Variants in ABCC2 observed in about 807,000 individuals in gnomAD.
ABCC2 encodes ATP binding cassette subfamily C member 2, also known as ATP-binding cassette sub-family C member 2.
Under a neutral mutation model 173.4 loss-of-function variants are expected in ABCC2, and 157 were observed. That is an observed-to-expected ratio of 0.91 (90% CI 0.80 to 1.03). ABCC2 has a LOEUF of 1.03. Ranked by LOEUF, ABCC2 falls within the 50% of genes least tolerant of loss-of-function variation. ABCC2 has a pLI of 0.00. For synonymous variants in ABCC2, 657 were observed against 693.5 expected, an observed-to-expected ratio of 0.95 and a Z score of 0.83; for missense variants, 1,822 against 1,852.3, an observed-to-expected ratio of 0.98 and a Z score of 0.30.
intron 7 of ABCC2, 26 bp from the exon 8 acceptor site, chr10:99,799,181 A>G (rs2037969758): frequency 1.2e-6 from 2 of 1,613,548 alleles, no homozygotes; most frequent in Non-Finnish European, 1.7e-6. Flanking sequence ...AACTCTGTGG[A>G]CACTGTTGTT....
chr10:99,822,134 C>CT (rs2038550062), intron 19 of ABCC2, among the ~76,000 whole-genome samples: 1 of 152,192 alleles, frequency 6.6e-6, no homozygotes, highest in African/African-American at 2.4e-5. Flanking sequence ...ATCCATGTGA[C>CT]TGCCCGAATT....
chr10:99,820,404 AC>A (rs1465378425), intron 19 of ABCC2, among the ~76,000 whole-genome samples: 7 of 151,982 alleles, frequency 4.6e-5, no homozygotes, highest in African/African-American at 1.2e-4. Context: ...ACACACACAC[AC>A]ACACAAAACA....
chr10:99,809,692 G>A (rs563295749), intron 13 of ABCC2, among the ~76,000 whole-genome samples: 1 of 152,324 alleles, frequency 6.6e-6, no homozygotes, highest in East Asian at 1.9e-4. Flanking sequence ...CGGCTATCTG[G>A]CCTATGTGGA....
Position 99,851,683 on chromosome 10 carries a change from TTTTA to T in ABCC2, c.*56_*59del, listed in dbSNP as rs2039090342. On this transcript the variant is annotated 3_prime_UTR_variant, in exon 32 of 32. Transcript: ENST00000647814. Reference sequence around the variant, plus strand: ...ACTATAAGAATAATTTCTTATTTAATTTTATTTTTTATAAAATACAGAATACATA... The same window carrying T: ...ACTATAAGAATAATTTCTTATTTAATTTTTTTATAAAATACAGAATACATA... 1 of 1,488,758 alleles carries T rather than the reference TTTTA, an allele frequency of 6.7e-7. No individual in the cohort carries two copies. Among genetic ancestry groups the T allele is most frequent in the Non-Finnish European group, 9.2e-7 (1 of 1,092,624 alleles). The allele number at this position is 1,488,758 out of a possible 1,614,324, so 92.2% of individuals were successfully genotyped here. A position where few individuals can be genotyped will look rare whatever the true frequency, so the allele number is the denominator to read the frequency against.
intron 6 of ABCC2, 123 bp downstream of exon 6, chr10:99,794,591 C>G: frequency 2.1e-6 from 2 of 947,770 alleles, no homozygotes; most frequent in Non-Finnish European, 3.2e-6. Context: ...GTTGCCCAGG[C>G]TGGAGTGCAA....
chr10:99,842,179 G>C, intron 26 of ABCC2, 86 bp downstream of exon 26: 1 of 1,586,426 alleles, frequency 6.3e-7, no homozygotes, highest in East Asian at 2.2e-5. Flanking sequence ...CTGTGCTCTT[G>C]ATTCCTTCTT....
At chr10:99,794,048 T>C in intron 5 of ABCC2, 49 bp downstream of exon 5, 1 of 1,505,408 alleles carries the variant, frequency 6.6e-7, no homozygotes, top group Non-Finnish European at 9.2e-7. Context: ...TTGGATGATA[T>C]CTTAATGAAT....
At chr10:99,829,201 G>A (rs2038695483) in intron 19 of ABCC2, among the ~76,000 whole-genome samples, 1 of 152,112 alleles carries the variant, frequency 6.6e-6, no homozygotes, top group South Asian at 2.1e-4. Flanking sequence ...GGGGTTTTTG[G>A]GAGCATTCTG....
At chr10:99,841,291 G>T (rs1054320526) in intron 25 of ABCC2, among the ~76,000 whole-genome samples, 1 of 152,150 alleles carries the variant, frequency 6.6e-6, no homozygotes, top group Non-Finnish European at 1.5e-5. Context: ...AATGGCTCAT[G>T]CCTGTAATTC....
chr10:99,815,037 G>T (rs2038382639), intron 16 of ABCC2, among the ~76,000 whole-genome samples: 1 of 150,888 alleles, frequency 6.6e-6, no homozygotes, highest in South Asian at 2.1e-4. Flanking sequence ...TTACATAGGT[G>T]TACATGTGCC....
At chr10:99,811,179 A>G (rs2038205760) in intron 14 of ABCC2, among the ~76,000 whole-genome samples, 1 of 151,818 alleles carries the variant, frequency 6.6e-6, no homozygotes, top group Non-Finnish European at 1.5e-5. Context: ...AAAAATACAA[A>G]AATTAGCGGG....
rs376880873 is a variant in ABCC2, at chr10:99,814,237, A to G, written c.2094+1093A>G. Among the ~76,000 whole-genome samples, 334 of 41,466 alleles carry G rather than the reference A, an allele frequency of 8.1e-3. 55 individuals carry two copies. Among genetic ancestry groups the G allele is most frequent in the African/African-American group, 0.024 (257 of 10,740 alleles). 27.2% of individuals were successfully genotyped at this position (41,466 alleles called of 152,430 possible). On this transcript the variant is annotated intron_variant, in intron 16 of 31. Coordinates refer to ENST00000647814, the MANE Select transcript of ABCC2 (RefSeq NM_000392.5). The stretch of plus-strand genomic sequence containing the variant: ...TGTGTATATATACACACATGTGTAT[A>G]TATGCACACACGTATGTATACACAC...
rs180822041 is a variant in ABCC2 at position 99,782,694 on chromosome 10, A to C, written c.-151A>C. ...AACATGCATCTAGGCAAGGTTAACG[A>C]TTAAATGGTTGGGATGAAAGGTCAT... On this transcript the variant is annotated 5_prime_UTR_variant, in exon 1 of 32. Coordinates refer to ENST00000647814, the MANE Select transcript of ABCC2 (RefSeq NM_000392.5). 16 of 905,582 alleles carry C rather than the reference A, an allele frequency of 1.8e-5. No homozygotes were observed. Among genetic ancestry groups the C allele is most frequent in the Non-Finnish European group, 2.6e-5 (15 of 572,608 alleles). The allele number at this position is 905,582 out of a possible 1,614,324, so 56.1% of individuals were successfully genotyped here.
rs772618481 is a variant in ABCC2 at position 99,784,631 on chromosome 10, G to A, written c.57G>A (p.Pro19=). Residue 19 remains proline (P), a synonymous_variant, in exon 2 of 32, where the codon CCG becomes CCA. Transcript: ENST00000647814. ...TFWNSSFLDS[P]EADLPLCFEQ... ...AGAATTCCTCATTCCTGGACAGTCC[G>A]GAGGCAGACCTGCCACTTTGTTTTG... is the stretch of plus-strand genomic sequence containing the variant. 2.4e-5 allele frequency: 39 copies of A among 1,614,018 alleles called. No homozygotes were observed. In the Middle Eastern group the frequency reaches 8.2e-4, roughly 34 times the overall value.
chr10:99,822,424 C>T (rs1030201175), intron 19 of ABCC2, among the ~76,000 whole-genome samples: 1,573 of 147,390 alleles, frequency 0.011, 31 homozygotes, highest in African/African-American at 0.035. Context: ...CGGTGCTCGA[C>T]TGTGGTGTCT....
At chr10:99,845,968 C>G (rs1403279538) in intron 29 of ABCC2, among the ~76,000 whole-genome samples, 186 bp downstream of exon 29, 1 of 151,486 alleles carries the variant, frequency 6.6e-6, no homozygotes, top group South Asian at 2.1e-4. Context: ...TGGTAATATG[C>G]ATTTGTGGCT....
At position 99,809,982 on chromosome 10, in the gene ABCC2, T is replaced by C. The variant is rs2038181141; in HGVS notation, c.1816-152T>C. The C allele has an allele frequency of 4.4e-6, 3 of 681,904 alleles. No individual in the cohort carries two copies. The East Asian group carries it at 8.5e-5, about 19-fold the overall frequency. 42.2% of individuals were successfully genotyped at this position (681,904 alleles called of 1,614,324 possible). On this transcript the variant is annotated intron_variant, in intron 13 of 31. Coordinates refer to ENST00000647814, the MANE Select transcript of ABCC2 (RefSeq NM_000392.5). ...TAGAGCATCCACTTCCATCTGTCTA[T>C]GGTGGGATAGCTTCCGGGGCTGAGT...
chr10:99,817,518 A>C, intron 17 of ABCC2, 34 bp downstream of exon 17: 1 of 1,610,254 alleles, frequency 6.2e-7, no homozygotes, highest in African/African-American at 1.3e-5. Flanking sequence ...TCAAGGGTGA[A>C]GGCATATTGA....
At chr10:99,813,467 G>A (rs1169016992) in intron 16 of ABCC2, among the ~76,000 whole-genome samples, 1 of 152,192 alleles carries the variant, frequency 6.6e-6, no homozygotes, top group East Asian at 1.9e-4. Flanking sequence ...TATAATCCCA[G>A]CACTTTGAGA....
Sources: gnomAD v4.1 joint callset for allele counts (sites outside exome capture counted in the v4.1 genomes callset) on GRCh38, gnomAD v4.1.1 for gene constraint, MANE v1.5 for transcripts, NCBI Gene and HGNC (gene_info 2026-07-23, HGNC 2026-07-21) for gene names.